PIK3C2G: variants seen among roughly 807,000 people sequenced by gnomAD.
PIK3C2G encodes the protein phosphatidylinositol 3-kinase C2 domain-containing subunit gamma.
In PIK3C2G, 168 loss-of-function variants were observed where a neutral mutation model predicts 181.1. The ratio of observed to expected loss-of-function variants is 0.93; its 90% CI spans 0.82 to 1.05. PIK3C2G has a LOEUF of 1.05. Ranked by LOEUF, PIK3C2G falls within the 50% of genes least tolerant of loss-of-function variation. PIK3C2G has a pLI of 0.00. For missense variants in PIK3C2G, 1,869 were observed against 1,732.8 expected (o/e 1.08, Z -1.40); for synonymous variants, 573 against 592.2 (o/e 0.97, Z 0.47).
intron 26 of PIK3C2G, among the ~76,000 whole-genome samples, chr12:18,561,224 C>G (rs1232858735): frequency 6.6e-6 from 1 of 152,110 alleles, no homozygotes; most frequent in Non-Finnish European, 1.5e-5. Flanking sequence ...AGAGAAACTG[C>G]AAAGTGTGTT....
intron 18 of PIK3C2G, among the ~76,000 whole-genome samples, chr12:18,453,540 G>C (rs181723749): frequency 6.6e-6 from 1 of 152,094 alleles, no homozygotes; most frequent in Admixed American, 6.6e-5. Context: ...TTTAATAATT[G>C]ACTTGTAGAT....
At chr12:18,300,412 T>C (rs1181532804) in intron 5 of PIK3C2G, among the ~76,000 whole-genome samples, 2 of 152,060 alleles carry the variant, frequency 1.3e-5, no homozygotes, top group Non-Finnish European at 2.9e-5. Context: ...CACTTAAGTC[T>C]ATTTTATCTG....
At chr12:18,513,048 T>G (rs1942314494) in intron 24 of PIK3C2G, among the ~76,000 whole-genome samples, 1 of 151,900 alleles carries the variant, frequency 6.6e-6, no homozygotes, top group Admixed American at 6.6e-5. Flanking sequence ...TCCAGTGAGA[T>G]GATGATGTTA....
chr12:18,659,349 C>T, the PIK3C2G span, among the ~76,000 whole-genome samples: 20 of 152,190 alleles, frequency 1.3e-4, no homozygotes, highest in Non-Finnish European at 1.9e-4. Context: ...CACAGCCATA[C>T]GCTTGTAACT....
intron 16 of PIK3C2G, among the ~76,000 whole-genome samples, chr12:18,406,493 A>G (rs979697349): frequency 1.3e-5 from 2 of 152,198 alleles, no homozygotes; most frequent in African/African-American, 4.8e-5. Flanking sequence ...TGCCTCTTGG[A>G]AAAGAATTGA....
intron 24 of PIK3C2G, among the ~76,000 whole-genome samples, chr12:18,530,968 G>C (rs1943523474): frequency 6.6e-6 from 1 of 151,922 alleles, no homozygotes; most frequent in Admixed American, 6.6e-5. Context: ...ATACACCTTT[G>C]GGATACTAGA....
At chr12:18,280,733 A>C (rs541294800) in intron 1 of PIK3C2G, among the ~76,000 whole-genome samples, 1 of 152,184 alleles carries the variant, frequency 6.6e-6, no homozygotes, top group Admixed American at 6.5e-5. Flanking sequence ...TAAAACATAC[A>C]TAATTGGATT....
At chr12:18,684,415 A>G in the PIK3C2G span, 2 of 753,294 alleles carry the variant, frequency 2.7e-6, no homozygotes, top group African/African-American at 3.5e-5. Context: ...ATAGGTTTTT[A>G]ATATACTCAG....
intron 18 of PIK3C2G, among the ~76,000 whole-genome samples, chr12:18,455,328 G>A (rs1947567335): frequency 6.6e-6 from 1 of 152,054 alleles, no homozygotes; most frequent in East Asian, 1.9e-4. Flanking sequence ...CCCACCTAAG[G>A]TATGCCAGGA....
intron 28 of PIK3C2G, among the ~76,000 whole-genome samples, chr12:18,565,742 A>C (rs138296199): frequency 1.6e-4 from 24 of 152,304 alleles, no homozygotes; most frequent in Admixed American, 5.9e-4. Context: ...TCATTTATAC[A>C]TAAGATGTTT....
At chr12:18,458,868 A>AG (rs1947767675) in intron 18 of PIK3C2G, among the ~76,000 whole-genome samples, 1 of 151,742 alleles carries the variant, frequency 6.6e-6, no homozygotes, top group Admixed American at 6.6e-5. Flanking sequence ...AAAAAAAAAA[A>AG]AGGAAGCGGG....
chr12:18,603,639 T>C (rs960944154), intron 30 of PIK3C2G, among the ~76,000 whole-genome samples: 1 of 152,048 alleles, frequency 6.6e-6, no homozygotes, highest in Non-Finnish European at 1.5e-5. Flanking sequence ...AGTTAACCTA[T>C]AAAGGAAAAG....
intron 16 of PIK3C2G, among the ~76,000 whole-genome samples, chr12:18,413,102 A>G (rs1279103837): frequency 6.6e-6 from 1 of 151,978 alleles, no homozygotes; most frequent in Non-Finnish European, 1.5e-5. Context: ...TTCATAGAGT[A>G]TTTTTTTCTT....
At chr12:18,538,073 A>C in intron 24 of PIK3C2G, 83 bp from the exon 25 acceptor site, 1 of 1,318,372 alleles carries the variant, frequency 7.6e-7, no homozygotes, top group Non-Finnish European at 1.1e-6. Flanking sequence ...AATTCAAATG[A>C]AAATAAGTCG....
At chr12:18,422,576 G>T (rs1945552123) in intron 17 of PIK3C2G, among the ~76,000 whole-genome samples, 1 of 152,072 alleles carries the variant, frequency 6.6e-6, no homozygotes, top group Non-Finnish European at 1.5e-5. Context: ...AGACCCAGGG[G>T]TTACTGCAAA....
chr12:18,633,621 G>A (rs141472258), intron 31 of PIK3C2G, among the ~76,000 whole-genome samples: 3 of 152,260 alleles, frequency 2.0e-5, no homozygotes, highest in East Asian at 3.9e-4. Flanking sequence ...CTAAATGATC[G>A]CCTGTACTCC....
chr12:18,611,705 T>G (rs949258496), intron 31 of PIK3C2G, among the ~76,000 whole-genome samples: 1 of 152,060 alleles, frequency 6.6e-6, no homozygotes, highest in Non-Finnish European at 1.5e-5. Context: ...TTACTCAGGT[T>G]AAAAACCTAG....
the PIK3C2G span, among the ~76,000 whole-genome samples, chr12:18,711,316 T>C: frequency 3.0e-5 from 4 of 131,888 alleles, no homozygotes; most frequent in Non-Finnish European, 6.1e-5. Flanking sequence ...TTCTCACTCA[T>C]AGGTGGGAAT....
intron 31 of PIK3C2G, among the ~76,000 whole-genome samples, chr12:18,610,733 T>A (rs1262277701): frequency 1.3e-5 from 2 of 152,100 alleles, no homozygotes; most frequent in Non-Finnish European, 2.9e-5. Context: ...TAGACATTAT[T>A]TATGGCTATA....
Sources: allele counts gnomAD v4.1 joint callset (sites outside exome capture counted in the v4.1 genomes callset), GRCh38; gene constraint gnomAD v4.1.1; transcripts MANE v1.5; gene names NCBI Gene and HGNC (gene_info 2026-07-23, HGNC 2026-07-21).